The following USP48 variants were observed in gnomAD, a reference collection of about 807,000 sequenced individuals.
USP48 encodes the protein ubiquitin specific peptidase 48.
Under a neutral mutation model 150.7 loss-of-function variants are expected in USP48, and 43 were observed. The ratio of observed to expected loss-of-function variants is 0.29; its 90% CI spans 0.22 to 0.37. The LOEUF (loss-of-function observed/expected upper bound fraction) is 0.37, where lower values mean the gene tolerates loss of function less well. Among genes scored for constraint, USP48 ranks in the 10% least tolerant of loss-of-function variants. USP48 has a pLI of 1.00. For missense variants in USP48, 813 were observed against 1,249.6 expected, an observed-to-expected ratio of 0.65 and a Z score of 5.27; for synonymous variants, 396 against 425.9, an observed-to-expected ratio of 0.93 and a Z score of 0.86.
intron 8 of USP48, among the ~76,000 whole-genome samples, chr1:21,744,777 TAAAAAAAAAAA>T (rs10699993): frequency 3.4e-5 from 2 of 59,548 alleles, no homozygotes; most frequent in African/African-American, 1.4e-4. Flanking sequence ...ACTCTATCTC[TAAAAAAAAAAA>T]AAAAAAAAAA....
At position 21,721,775 on chromosome 1, in the gene USP48, G is replaced by T; in HGVS notation, c.1649-11C>A. The stretch of plus-strand genomic sequence containing the variant: ...TACACAGGGCTTTCACTACAGGCAA[G>T]AAAGAATGAAAGGAAATATATTTCA... On this transcript the variant is annotated splice_polypyrimidine_tract_variant and intron_variant, in intron 12 of 26. Transcript: ENST00000308271. 1 of 1,523,350 alleles carries T rather than the reference G, an allele frequency of 6.6e-7. No individual in the cohort carries two copies. Among genetic ancestry groups the T allele is most frequent in the South Asian group, 1.2e-5 (1 of 81,940 alleles). The allele number at this position is 1,523,350 out of a possible 1,614,324, so 94.4% of individuals were successfully genotyped here. A position where few individuals can be genotyped will look rare whatever the true frequency, so the allele number is the denominator to read the frequency against.
At chr1:21,720,967 C>A in intron 14 of USP48, 69 bp downstream of exon 14, 1 of 1,577,540 alleles carries the variant, frequency 6.3e-7, no homozygotes, top group Admixed American at 1.7e-5. Flanking sequence ...AATGAGCCAC[C>A]GTGCCTGGCC....
At chr1:21,742,583 G>T (rs575848165) in intron 8 of USP48, among the ~76,000 whole-genome samples, 2 of 146,554 alleles carry the variant, frequency 1.4e-5, no homozygotes, top group African/African-American at 5.2e-5. Flanking sequence ...AAAAGAAAAA[G>T]AAAAGAAAAG....
chr1:21,714,243 C>G (rs2097698209), intron 15 of USP48, among the ~76,000 whole-genome samples: 1 of 152,152 alleles, frequency 6.6e-6, no homozygotes, highest in Admixed American at 6.5e-5. Context: ...GAACCACTGA[C>G]AAGCCAACTT....
intron 6 of USP48, among the ~76,000 whole-genome samples, chr1:21,750,063 G>A (rs1305673213): frequency 1.3e-5 from 2 of 152,116 alleles, no homozygotes; most frequent in Admixed American, 1.3e-4. Context: ...CCTTAAAACA[G>A]ACTGTACCAC....
At chr1:21,711,328 G>T (rs2097689541) in intron 15 of USP48, among the ~76,000 whole-genome samples, 1 of 152,072 alleles carries the variant, frequency 6.6e-6, no homozygotes, top group Non-Finnish European at 1.5e-5. Flanking sequence ...GAGAAGGGAT[G>T]GAAAGTCTAT....
At chr1:21,690,223 T>G in intron 23 of USP48, 124 bp from the exon 24 acceptor site, 1 of 1,164,584 alleles carries the variant, frequency 8.6e-7, no homozygotes, top group African/African-American at 1.6e-5. Flanking sequence ...AAAACCACTA[T>G]TGTTTACAGT....
intron 3 of USP48, among the ~76,000 whole-genome samples, chr1:21,755,464 T>C (rs2152598851): frequency 6.6e-6 from 1 of 152,202 alleles, no homozygotes; most frequent in South Asian, 2.1e-4. Context: ...GGGGGGGCTC[T>C]GGCAGGAGGA....
At chr1:21,720,499 C>T (rs1328972463) in intron 14 of USP48, among the ~76,000 whole-genome samples, 3 of 151,480 alleles carry the variant, frequency 2.0e-5, no homozygotes, top group African/African-American at 7.3e-5. Flanking sequence ...GGTATGAAAC[C>T]AATTTTGCTC....
At chr1:21,685,512 G>C (rs1209932234) in intron 25 of USP48, among the ~76,000 whole-genome samples, 2 of 151,786 alleles carry the variant, frequency 1.3e-5, no homozygotes, top group Non-Finnish European at 2.9e-5. Flanking sequence ...ATGGGGTTTC[G>C]CCATGTTGGC....
chr1:21,718,565 T>TG (rs1379116190), intron 14 of USP48, among the ~76,000 whole-genome samples: 1 of 40,064 alleles, frequency 2.5e-5, no homozygotes, highest in Non-Finnish European at 5.0e-5. Context: ...GGCCTTTTTC[T>TG]TTTTTTTTTT....
chr1:21,759,497 C>T (rs551525831), intron 1 of USP48, among the ~76,000 whole-genome samples: 257 of 152,222 alleles, frequency 1.7e-3, no homozygotes, highest in Non-Finnish European at 3.2e-3. Context: ...AAAAGAATCC[C>T]GTGCTCCTTG....
In USP48 at chr1:21,719,413, G is replaced by A. The variant is rs551418073; in HGVS notation, c.1894+1623C>T. 5.3e-5 allele frequency among the ~76,000 whole-genome samples: 8 copies of A among 152,058 alleles called. No homozygotes were observed. The South Asian group carries it at 1.5e-3, about 28-fold the overall frequency. On this transcript the variant is annotated intron_variant, in intron 14 of 26. Transcript: ENST00000308271. ...TGGTTTTCCCAAAAAGTAAGGTAGT[G>A]AGATAGGAAGATCAATACCAAATAA...
chr1:21,769,705 C>CG (rs1251496815), intron 1 of USP48, among the ~76,000 whole-genome samples: 4 of 152,142 alleles, frequency 2.6e-5, no homozygotes, highest in Admixed American at 6.6e-5. Flanking sequence ...GCCACTGCGC[C>CG]GGGCCTACAA....
chr1:21,769,339 G>T (rs1169001829), intron 1 of USP48, among the ~76,000 whole-genome samples: 1 of 147,600 alleles, frequency 6.8e-6, no homozygotes, highest in Non-Finnish European at 1.5e-5. Flanking sequence ...AACACAAAGA[G>T]AACTTACGAA....
At chr1:21,694,283 T>C (rs1571722182) in intron 23 of USP48, among the ~76,000 whole-genome samples, 1 of 151,912 alleles carries the variant, frequency 6.6e-6, no homozygotes, top group African/African-American at 2.4e-5. Flanking sequence ...ATTTTAAAAC[T>C]CTATCAAGGC....
Position 21,745,092 on chromosome 1 carries a change from T to C in USP48, c.991+1975A>G, listed in dbSNP as rs568456815. Among the ~76,000 whole-genome samples the C allele has an allele frequency of 2.0e-5, 3 of 152,324 alleles. No individual in the cohort carries two copies. The East Asian group carries it at 5.8e-4, about 29-fold the overall frequency. ...TTACATATGGTTTGTATTTCTTTTC[T>C]TTATGCTTTCTGAATTTCCCAAATT... On this transcript the variant is annotated intron_variant, in intron 8 of 26. Transcript: ENST00000308271.
chr1:21,733,430 G>C (rs1046801642), intron 9 of USP48, among the ~76,000 whole-genome samples: 2 of 151,952 alleles, frequency 1.3e-5, no homozygotes, highest in African/African-American at 4.8e-5. Flanking sequence ...ACAAAAAAAA[G>C]AGTACCCAAG....
chr1:21,730,384 G>A (rs1035303207), intron 9 of USP48, among the ~76,000 whole-genome samples: 1 of 151,658 alleles, frequency 6.6e-6, no homozygotes, highest in Admixed American at 6.6e-5. Flanking sequence ...AGAGGTTGCA[G>A]TGAGCCGAGA....
Sources: gnomAD v4.1 joint callset for allele counts (sites outside exome capture counted in the v4.1 genomes callset) on GRCh38, gnomAD v4.1.1 for gene constraint, MANE v1.5 for transcripts, NCBI Gene and HGNC (gene_info 2026-07-23, HGNC 2026-07-21) for gene names.